CYP2C19: variants seen among roughly 807,000 people sequenced by gnomAD.
The protein encoded by CYP2C19 is cytochrome P450 2C19.
Under a neutral mutation model 40.9 loss-of-function variants are expected in CYP2C19, and 59 were observed. That is an observed-to-expected ratio of 1.44 (90% CI 1.17 to 1.79). The LOEUF (loss-of-function observed/expected upper bound fraction) is 1.79, where lower values mean the gene tolerates loss of function less well. CYP2C19 is among the 40% of genes most tolerant of loss of function. The pLI is 0.00. For missense variants in CYP2C19, 754 were observed against 596.9 expected (o/e 1.26, Z -2.74); for synonymous variants, 253 against 208.7 (o/e 1.21, Z -1.83).
In CYP2C19 at chr10:94,798,097, A is replaced by C. The variant is rs192785733; in HGVS notation, c.819+16100A>C. On this transcript the variant is annotated intron_variant, in intron 5 of 8. Transcript: ENST00000371321. Reference sequence around the variant, plus strand: ...AATTGTGAGTTTTGGTGTCAATTTTAGATCTTTTCTGCTTTCTCTTGTGCA... The same window carrying C: ...AATTGTGAGTTTTGGTGTCAATTTTCGATCTTTTCTGCTTTCTCTTGTGCA... 4.3e-4 allele frequency among the ~76,000 whole-genome samples: 66 copies of C among 152,140 alleles called. 1 individual carries two copies. The highest frequency in any genetic ancestry group is 8.8e-5 in the Non-Finnish European group (6 of 67,992).
At chr10:94,766,792 G>A (rs1450762988) in intron 1 of CYP2C19, among the ~76,000 whole-genome samples, 1 of 151,958 alleles carries the variant, frequency 6.6e-6, no homozygotes, top group Non-Finnish European at 1.5e-5. Context: ...TTCCTCAGGG[G>A]ATGTCCAAAA....
chr10:94,826,689 C>G (rs1177380856), intron 6 of CYP2C19, among the ~76,000 whole-genome samples: 1 of 152,034 alleles, frequency 6.6e-6, no homozygotes, highest in Non-Finnish European at 1.5e-5. Flanking sequence ...GAACTTCCAA[C>G]ACTATGTTGA....
intron 5 of CYP2C19, among the ~76,000 whole-genome samples, chr10:94,783,955 A>G (rs1848508577): frequency 6.6e-6 from 1 of 152,174 alleles, no homozygotes; most frequent in Non-Finnish European, 1.5e-5. Context: ...GCATACACCT[A>G]AGTGGTATTT....
At chr10:94,798,543 C>A (rs929123149) in intron 5 of CYP2C19, among the ~76,000 whole-genome samples, 4 of 152,052 alleles carry the variant, frequency 2.6e-5, no homozygotes, top group African/African-American at 9.7e-5. Context: ...ATCTGGATAT[C>A]TTTGTTAACC....
At chr10:94,850,681 C>T (rs1026211310) in intron 8 of CYP2C19, among the ~76,000 whole-genome samples, 3 of 152,112 alleles carry the variant, frequency 2.0e-5, no homozygotes, top group African/African-American at 7.2e-5. Flanking sequence ...GACATTTAAG[C>T]TACATCAAAG....
At chr10:94,842,675 T>C (rs1410364503) in intron 6 of CYP2C19, among the ~76,000 whole-genome samples, 162 bp from the exon 7 acceptor site, 2 of 152,208 alleles carry the variant, frequency 1.3e-5, no homozygotes, top group African/African-American at 4.8e-5. Context: ...CATTTGTGCA[T>C]CTGTAGCAGT....
chr10:94,769,740 G>T (rs1041214647), intron 1 of CYP2C19, among the ~76,000 whole-genome samples: 1 of 152,118 alleles, frequency 6.6e-6, no homozygotes, highest in Non-Finnish European at 1.5e-5. Flanking sequence ...ATAAGGAAAA[G>T]TGGTGGGGTC....
intron 1 of CYP2C19, chr10:94,773,919 GTCCATTTTACAGAGTGCTGATTGT>G (rs1412796700): frequency 5.3e-5 from 8 of 152,152 alleles, no homozygotes; most frequent in Non-Finnish European, 1.0e-4. Context: ...CTGCTGATTG[GTCCATTTTACAGAGTGCTGATTGT>G]TCCATTTTAC....
chr10:94,842,013 T>C (rs1438891570), intron 6 of CYP2C19, among the ~76,000 whole-genome samples: 1 of 152,194 alleles, frequency 6.6e-6, no homozygotes, highest in Admixed American at 6.5e-5. Flanking sequence ...ACCCATTTGG[T>C]CTATAGTGCA....
intron 1 of CYP2C19, among the ~76,000 whole-genome samples, chr10:94,771,187 CCTACAG>C (rs1418064980): frequency 6.6e-6 from 1 of 151,990 alleles, no homozygotes; most frequent in Non-Finnish European, 1.5e-5. Flanking sequence ...TTTACCTCCC[CCTACAG>C]CTTGAAGGGG....
intron 5 of CYP2C19, among the ~76,000 whole-genome samples, chr10:94,814,451 C>T (rs1188222816): frequency 6.6e-6 from 1 of 151,502 alleles, no homozygotes; most frequent in African/African-American, 2.4e-5. Context: ...GAGTGAATTT[C>T]ATAGAGAAAG....
rs1327384985 is a variant in CYP2C19 at position 94,781,968 on chromosome 10, A to T, written c.790A>T (p.Ile264Phe). Residue 264 changes from isoleucine (I) to phenylalanine (F), a missense_variant, in exon 5 of 9, where the codon ATT becomes TTT. Ile to Phe is a conservative substitution (Grantham distance 21). Coordinates refer to ENST00000371321, the MANE Select transcript of CYP2C19 (RefSeq NM_000769.4). ...GGACATCAACAACCCTCGGGACTTT[A>T]TTGATTGCTTCCTGATCAAAATGGA... ...SMDINNPRDF[I>F]DCFLIKMEKE... 6.5e-7 allele frequency: 1 copy of T among 1,535,482 alleles called. No homozygotes were observed. Among genetic ancestry groups the T allele is most frequent in the Admixed American group, 2.2e-5 (1 of 45,386 alleles).
intron 6 of CYP2C19, among the ~76,000 whole-genome samples, chr10:94,836,394 G>GT (rs568156376): frequency 0.051 from 7,752 of 151,958 alleles, 243 homozygotes; most frequent in South Asian, 0.11. Context: ...AGCTATTCCT[G>GT]TTTTTTTTCT....
At chr10:94,850,836 GC>G (rs370018617) in intron 8 of CYP2C19, among the ~76,000 whole-genome samples, 162 of 152,240 alleles carry the variant, frequency 1.1e-3, no homozygotes, top group Middle Eastern at 3.4e-3. Flanking sequence ...TAAGAATGTA[GC>G]AGGATACTCT....
At chr10:94,835,765 A>T (rs145525617) in intron 6 of CYP2C19, among the ~76,000 whole-genome samples, 194 of 152,154 alleles carry the variant, frequency 1.3e-3, no homozygotes, top group African/African-American at 4.5e-3. Context: ...GCATACTTAG[A>T]TCTGTATATA....
intron 5 of CYP2C19, among the ~76,000 whole-genome samples, chr10:94,784,132 T>C (rs750626114): frequency 6.6e-6 from 1 of 152,204 alleles, no homozygotes; most frequent in Non-Finnish European, 1.5e-5. Flanking sequence ...GTGTTATGGA[T>C]ATATAAAGAA....
intron 7 of CYP2C19, among the ~76,000 whole-genome samples, chr10:94,848,674 G>A (rs1849608079): frequency 6.6e-6 from 1 of 152,118 alleles, no homozygotes; most frequent in African/African-American, 2.4e-5. Context: ...GGGCAGTATG[G>A]CCATTTTCAC....
At chr10:94,817,819 C>T (rs1024335089) in intron 5 of CYP2C19, among the ~76,000 whole-genome samples, 8 of 151,820 alleles carry the variant, frequency 5.3e-5, no homozygotes, top group African/African-American at 1.7e-4. Context: ...CGAGACCATC[C>T]TGGCTAAAAC....
chr10:94,851,492 A>G (rs1178723663), intron 8 of CYP2C19, among the ~76,000 whole-genome samples: 2 of 150,600 alleles, frequency 1.3e-5, no homozygotes, highest in Non-Finnish European at 3.0e-5. Flanking sequence ...ATAAATAAAT[A>G]AGAAATAAGA....
Sources: allele counts gnomAD v4.1 joint callset (sites outside exome capture counted in the v4.1 genomes callset), GRCh38; gene constraint gnomAD v4.1.1; transcripts MANE v1.5; gene names NCBI Gene and HGNC (gene_info 2026-07-23, HGNC 2026-07-21).